The following OSBPL8 variants were observed in gnomAD, a reference collection of about 807,000 sequenced individuals.
The protein encoded by OSBPL8 is oxysterol-binding protein-related protein 8.
A neutral mutation model predicts 125.5 loss-of-function variants in OSBPL8; 59 were observed. That is an observed-to-expected ratio of 0.47 (90% CI 0.38 to 0.58). OSBPL8 has a LOEUF of 0.58. OSBPL8 is among the 20% of genes least tolerant of loss of function. The pLI is 0.00. For synonymous variants in OSBPL8, 330 were observed against 338.9 expected (o/e 0.97, Z 0.29); for missense variants, 758 against 1,047.8 (o/e 0.72, Z 3.82).
Position 76,368,783 on chromosome 12 carries a change from G to A in OSBPL8, c.2328+431C>T, listed in dbSNP as rs74581845. Reference sequence around the variant, plus strand: ...TTGATTTTCTCAGAGATGAGTGCCTGTGTAAGTCCTTCAGGTAGTATTCTG... The same window carrying A: ...TTGATTTTCTCAGAGATGAGTGCCTATGTAAGTCCTTCAGGTAGTATTCTG... On this transcript the variant is annotated intron_variant, in intron 21 of 23. Coordinates refer to ENST00000261183, the MANE Select transcript of OSBPL8 (RefSeq NM_020841.5). 2.9e-3 allele frequency among the ~76,000 whole-genome samples: 439 copies of A among 152,198 alleles called. 2 individuals carry two copies. The highest frequency in any genetic ancestry group is 0.01 in the African/African-American group (422 of 41,486).
At chr12:76,457,245 T>A (rs1273965541) in intron 3 of OSBPL8, among the ~76,000 whole-genome samples, 1 of 152,192 alleles carries the variant, frequency 6.6e-6, no homozygotes, top group Non-Finnish European at 1.5e-5. Flanking sequence ...TATGTACTAG[T>A]TAATGTTATG....
chr12:76,535,924 T>C (rs1217828681), intron 1 of OSBPL8, among the ~76,000 whole-genome samples: 1 of 152,174 alleles, frequency 6.6e-6, no homozygotes, highest in Non-Finnish European at 1.5e-5. Context: ...TGGGGACTGA[T>C]GGAAAGTTCT....
At chr12:76,455,972 C>T (rs1022794521) in intron 3 of OSBPL8, among the ~76,000 whole-genome samples, 2 of 152,152 alleles carry the variant, frequency 1.3e-5, no homozygotes, top group African/African-American at 2.4e-5. Flanking sequence ...AGTAAAGCAA[C>T]CTGCTTTGCT....
chr12:76,406,396 A>G (rs1275518883), intron 5 of OSBPL8, among the ~76,000 whole-genome samples: 1 of 152,198 alleles, frequency 6.6e-6, no homozygotes, highest in Admixed American at 6.5e-5. Flanking sequence ...CGGTTGAAAA[A>G]TCAACTTAAA....
At chr12:76,407,412 G>T (rs1453615549) in intron 5 of OSBPL8, among the ~76,000 whole-genome samples, 9 of 152,046 alleles carry the variant, frequency 5.9e-5, no homozygotes, top group Non-Finnish European at 1.3e-4. Context: ...CACCACACCC[G>T]GCTAATTTTT....
intron 4 of OSBPL8, among the ~76,000 whole-genome samples, chr12:76,436,552 C>G (rs74103450): frequency 3.7e-4 from 56 of 151,794 alleles, no homozygotes; most frequent in Middle Eastern, 3.4e-3. Flanking sequence ...TACTCACATT[C>G]TCCATCAATT....
chr12:76,452,117 CA>C (rs1016859534), intron 3 of OSBPL8, among the ~76,000 whole-genome samples: 8 of 145,178 alleles, frequency 5.5e-5, no homozygotes, highest in African/African-American at 7.6e-5. Context: ...AACTCCACCT[CA>C]AAAAAAAAAG....
chr12:76,507,637 T>C (rs1565953907), intron 1 of OSBPL8, among the ~76,000 whole-genome samples: 1 of 151,306 alleles, frequency 6.6e-6, no homozygotes, highest in Admixed American at 6.6e-5. Context: ...CTGGCCAACA[T>C]GGTGAAACCC....
Position 76,353,793 on chromosome 12 carries a change from T to TTCTTAA in OSBPL8, c.*2090_*2095dup, listed in dbSNP as rs1951897951. The TTCTTAA allele has an allele frequency of 6.6e-6, 1 of 152,416 alleles. No homozygotes were observed. The highest frequency in any genetic ancestry group is 1.5e-5 in the Non-Finnish European group (1 of 67,836). The allele number at this position is 152,416 out of a possible 1,614,324, so 9.4% of individuals were successfully genotyped here. On this transcript the variant is annotated 3_prime_UTR_variant, in exon 24 of 24. Transcript: ENST00000261183. ...GAACAGTCATGAATAACTCTGCTCT[T>TTCTTAA]TCTTAAGAAATAGTTTTTGACTCTT...
intron 1 of OSBPL8, among the ~76,000 whole-genome samples, chr12:76,521,771 T>A (rs1882081490): frequency 6.6e-6 from 1 of 152,176 alleles, no homozygotes; most frequent in Non-Finnish European, 1.5e-5. Flanking sequence ...GAAAGTGGAA[T>A]GATGATCGCC....
chr12:76,467,215 A>G (rs1875554897), intron 2 of OSBPL8, among the ~76,000 whole-genome samples: 1 of 152,044 alleles, frequency 6.6e-6, no homozygotes, highest in Non-Finnish European at 1.5e-5. Flanking sequence ...CTGCCTCCAC[A>G]CATTGTCCTC....
chr12:76,425,816 G>T (rs994130484), intron 4 of OSBPL8, among the ~76,000 whole-genome samples: 1 of 152,182 alleles, frequency 6.6e-6, no homozygotes, highest in Non-Finnish European at 1.5e-5. Context: ...TCATATTCCT[G>T]CCAGGTATCC....
At chr12:76,402,914 T>C (rs913705233) in intron 5 of OSBPL8, 148 bp from the exon 6 acceptor site, 7 of 622,528 alleles carry the variant, frequency 1.1e-5, no homozygotes, top group African/African-American at 1.1e-4. Flanking sequence ...TCCCTATATG[T>C]CTTTAAAAAT....
At position 76,424,321 on chromosome 12, in the gene OSBPL8, G is replaced by T. The variant is rs192019961; in HGVS notation, c.218-13687C>A. On this transcript the variant is annotated intron_variant, in intron 4 of 23. Coordinates refer to ENST00000261183, the MANE Select transcript of OSBPL8 (RefSeq NM_020841.5). ...AGGCAAAACTCAATTTCTTGTATGTGACATATTCTTTCTTGGGCAAAGGCA... is the reference window on the plus strand; with the variant it reads ...AGGCAAAACTCAATTTCTTGTATGTTACATATTCTTTCTTGGGCAAAGGCA... Among the ~76,000 whole-genome samples the T allele has an allele frequency of 2.2e-3, 336 of 152,174 alleles. 3 individuals are homozygous for T. Among genetic ancestry groups the T allele is most frequent in the African/African-American group, 7.5e-3 (311 of 41,532 alleles).
intron 1 of OSBPL8, among the ~76,000 whole-genome samples, chr12:76,547,855 T>C (rs928154131): frequency 1.5e-4 from 23 of 152,036 alleles, no homozygotes; most frequent in African/African-American, 5.6e-4. Context: ...AACATGCAAG[T>C]TGGGGTAGGG....
rs774996828 is a variant in OSBPL8 at position 76,369,831 on chromosome 12, T to C, written c.2055-9A>G. 4.4e-6 allele frequency: 7 copies of C among 1,593,966 alleles called. No homozygotes were observed. Among genetic ancestry groups the C allele is most frequent in the African/African-American group, 4.1e-5 (3 of 73,622 alleles). On this transcript the variant is annotated splice_polypyrimidine_tract_variant and intron_variant, in intron 19 of 23. Coordinates refer to ENST00000261183, the MANE Select transcript of OSBPL8 (RefSeq NM_020841.5). Reference sequence around the variant, plus strand: ...TTACCCGTTGCCAGAGTCTAATACATGTGCGAAAATATTAAAAGTATTAAA... The same window carrying C: ...TTACCCGTTGCCAGAGTCTAATACACGTGCGAAAATATTAAAAGTATTAAA...
intron 2 of OSBPL8, among the ~76,000 whole-genome samples, chr12:76,462,885 G>A (rs530352610): frequency 2.6e-5 from 4 of 152,278 alleles, no homozygotes; most frequent in African/African-American, 7.2e-5. Context: ...GGAAGAGCAC[G>A]AAGGCCAATG....
At chr12:76,518,272 C>T (rs1460269252) in intron 1 of OSBPL8, among the ~76,000 whole-genome samples, 1 of 152,212 alleles carries the variant, frequency 6.6e-6, no homozygotes, top group African/African-American at 2.4e-5. Context: ...GCAGGGCAGA[C>T]ATTAAACCTT....
At chr12:76,466,328 T>C (rs1875432421) in intron 2 of OSBPL8, among the ~76,000 whole-genome samples, 1 of 152,246 alleles carries the variant, frequency 6.6e-6, no homozygotes, top group Non-Finnish European at 1.5e-5. Context: ...AGCTTATTTC[T>C]TATTATGACA....
Sources: allele counts gnomAD v4.1 joint callset (sites outside exome capture counted in the v4.1 genomes callset), GRCh38; gene constraint gnomAD v4.1.1; transcripts MANE v1.5; gene names NCBI Gene and HGNC (gene_info 2026-07-23, HGNC 2026-07-21).